SDK1: variants seen among roughly 807,000 people sequenced by gnomAD.
SDK1 encodes the protein sidekick cell adhesion molecule 1, also known as protein sidekick-1.
A neutral mutation model predicts 245.5 loss-of-function variants in SDK1; 157 were observed. That is an observed-to-expected ratio of 0.64 (90% CI 0.56 to 0.73). The LOEUF (loss-of-function observed/expected upper bound fraction) is 0.73. Ranked by LOEUF, SDK1 falls within the 30% of genes least tolerant of loss-of-function variation. The pLI is 0.00. For missense variants in SDK1, 3,583 were observed against 3,002.3 expected, an observed-to-expected ratio of 1.19 and a Z score of -4.52; for synonymous variants, 1,647 against 1,278.5, an observed-to-expected ratio of 1.29 and a Z score of -6.15.
At chr7:3,986,587 A>C (rs58473578) in intron 13 of SDK1, among the ~76,000 whole-genome samples, 2 of 152,142 alleles carry the variant, frequency 1.3e-5, no homozygotes, top group East Asian at 1.9e-4. Flanking sequence ...TAGGCCGGGC[A>C]TGGTGGCTCA....
chr7:3,375,801 C>T (rs1157862781), intron 1 of SDK1, among the ~76,000 whole-genome samples: 1 of 152,148 alleles, frequency 6.6e-6, no homozygotes, highest in Admixed American at 6.5e-5. Context: ...ATCTTGCCTG[C>T]AACCTCATGT....
chr7:3,990,537 A>G (rs1025761748), intron 14 of SDK1, among the ~76,000 whole-genome samples: 1 of 152,228 alleles, frequency 6.6e-6, no homozygotes, highest in African/African-American at 2.4e-5. Context: ...TACGTAAAAC[A>G]GGACTTGACA....
At chr7:4,046,823 T>C (rs1789047897) in intron 17 of SDK1, among the ~76,000 whole-genome samples, 1 of 151,824 alleles carries the variant, frequency 6.6e-6, no homozygotes, top group Non-Finnish European at 1.5e-5. Context: ...AGCTGTGATT[T>C]TTTTTTTTTC....
At chr7:4,023,178 C>T (rs1462173962) in intron 17 of SDK1, among the ~76,000 whole-genome samples, 1 of 152,158 alleles carries the variant, frequency 6.6e-6, no homozygotes, top group Non-Finnish European at 1.5e-5. Context: ...GCACCTTGGA[C>T]ACATGGGGAT....
At chr7:3,888,072 A>G (rs1781378503) in intron 5 of SDK1, among the ~76,000 whole-genome samples, 1 of 152,198 alleles carries the variant, frequency 6.6e-6, no homozygotes, top group Non-Finnish European at 1.5e-5. Context: ...AGGAGACCAA[A>G]AGAGTTAGTA....
At chr7:3,694,105 T>A (rs569709963) in intron 4 of SDK1, among the ~76,000 whole-genome samples, 7 of 152,188 alleles carry the variant, frequency 4.6e-5, no homozygotes, top group African/African-American at 9.7e-5. Context: ...GTGTGCCCGA[T>A]TGGAAGGCAA....
chr7:3,358,429 GTTT>G (rs10713399), intron 1 of SDK1, among the ~76,000 whole-genome samples: 81 of 146,022 alleles, frequency 5.5e-4, no homozygotes, highest in Middle Eastern at 3.5e-3. Flanking sequence ...TCATTACAAC[GTTT>G]TTTTTTTTTT....
chr7:4,040,732 T>A (rs1158764652), intron 17 of SDK1, among the ~76,000 whole-genome samples: 2 of 152,214 alleles, frequency 1.3e-5, no homozygotes, highest in East Asian at 3.9e-4. Context: ...TCCAAAAATC[T>A]GGCCACCCAC....
At chr7:3,649,997 T>C (rs6961701) in intron 4 of SDK1, among the ~76,000 whole-genome samples, 3,592 of 140,558 alleles carry the variant, frequency 0.026, 143 homozygotes, top group African/African-American at 0.085. Context: ...TTGGAAGAGG[T>C]TGCTATTTTT....
At chr7:4,005,248 T>C (rs1276995790) in intron 14 of SDK1, among the ~76,000 whole-genome samples, 2 of 151,866 alleles carry the variant, frequency 1.3e-5, no homozygotes, top group African/African-American at 2.4e-5. Flanking sequence ...GGTTTTACCA[T>C]GTTGGCCAGG....
At chr7:4,235,133 G>C (rs964694911) in intron 41 of SDK1, among the ~76,000 whole-genome samples, 2 of 152,114 alleles carry the variant, frequency 1.3e-5, no homozygotes, top group African/African-American at 2.4e-5. Context: ...TGCTCTGTGA[G>C]AGGGGCTGTG....
At chr7:3,464,386 A>G (rs533082528) in intron 1 of SDK1, among the ~76,000 whole-genome samples, 1 of 152,214 alleles carries the variant, frequency 6.6e-6, no homozygotes, top group African/African-American at 2.4e-5. Context: ...GGCCCAGTGT[A>G]GTGGCATGCC....
chr7:3,565,782 AGTT>A (rs1251528432), intron 1 of SDK1, among the ~76,000 whole-genome samples: 1 of 152,210 alleles, frequency 6.6e-6, no homozygotes, highest in African/African-American at 2.4e-5. Context: ...TATGTTAAGT[AGTT>A]GTTATATTGT....
intron 4 of SDK1, among the ~76,000 whole-genome samples, chr7:3,763,608 C>T (rs966328831): frequency 6.6e-6 from 1 of 152,100 alleles, no homozygotes; most frequent in Non-Finnish European, 1.5e-5. Context: ...AATTTGCACA[C>T]AATAAAATGG....
chr7:3,373,317 A>G (rs1049033885), intron 1 of SDK1, among the ~76,000 whole-genome samples: 2 of 152,234 alleles, frequency 1.3e-5, no homozygotes, highest in African/African-American at 4.8e-5. Flanking sequence ...AAAGTGAAGA[A>G]CAGAATGGTT....
intron 39 of SDK1, among the ~76,000 whole-genome samples, chr7:4,220,630 C>G (rs1218221925): frequency 6.6e-6 from 1 of 151,668 alleles, no homozygotes; most frequent in Non-Finnish European, 1.5e-5. Flanking sequence ...TACCTTCCCA[C>G]TTATCCAACT....
At position 4,031,057 on chromosome 7, in the gene SDK1, A is replaced by G. The variant is rs117560523; in HGVS notation, c.2602+13705A>G. Reference sequence around the variant, plus strand: ...CAGAGACAAGTATACATATACATGTATACATACACATCTGCATCTATATAT... The same window carrying G: ...CAGAGACAAGTATACATATACATGTGTACATACACATCTGCATCTATATAT... On this transcript the variant is annotated intron_variant, in intron 17 of 44. Transcript: ENST00000404826. Among the ~76,000 whole-genome samples, 31 of 152,352 alleles carry G rather than the reference A, an allele frequency of 2.0e-4. No individual in the cohort carries two copies. In the East Asian group the frequency reaches 6.0e-3, roughly 29 times the overall value.
Position 4,011,069 on chromosome 7 carries a change from G to T in SDK1, c.2235G>T (p.Ala745=), listed in dbSNP as rs763391599. The change falls in exon 15 of 45, where the codon GCG becomes GCT. Residue 745 remains alanine, a synonymous_variant. Coordinates refer to ENST00000404826, the MANE Select transcript of SDK1 (RefSeq NM_152744.4). ...GTACCTATCAATTCCGGGTGTGCGC[G>T]GTGAATGAAGTGGGCAGGGGCCAGT... ...PARTYQFRVC[A]VNEVGRGQYS... The T allele has an allele frequency of 6.2e-7, 1 of 1,614,102 alleles. No individual in the cohort carries two copies. The highest frequency in any genetic ancestry group is 8.5e-7 in the Non-Finnish European group (1 of 1,180,040).
chr7:3,713,192 C>T (rs1262575228), intron 4 of SDK1, among the ~76,000 whole-genome samples: 2 of 152,194 alleles, frequency 1.3e-5, no homozygotes, highest in Non-Finnish European at 2.9e-5. Context: ...TCCGGCTGCT[C>T]AGCGAATTGA....
Sources: allele counts gnomAD v4.1 joint callset (sites outside exome capture counted in the v4.1 genomes callset), GRCh38; gene constraint gnomAD v4.1.1; transcripts MANE v1.5; gene names NCBI Gene and HGNC (gene_info 2026-07-23, HGNC 2026-07-21).